LRRC37A2: variants seen among roughly 807,000 people sequenced by gnomAD.
The protein encoded by LRRC37A2 is leucine rich repeat containing 37 member A2.
Under a neutral mutation model 68.8 loss-of-function variants are expected in LRRC37A2, and 9 were observed. That is an observed-to-expected ratio of 0.13 (90% CI 0.08 to 0.23). LRRC37A2 has a LOEUF of 0.23. LRRC37A2 is among the 10% of genes least tolerant of loss of function. The pLI, the probability that LRRC37A2 is intolerant of heterozygous loss-of-function variation, is 1.00. For missense variants in LRRC37A2, 168 were observed against 950.4 expected (o/e 0.18, Z 10.82); for synonymous variants, 63 against 367.6 (o/e 0.17, Z 9.48).
chr17:46,845,190 G>A, the LRRC37A2 span, among the ~76,000 whole-genome samples: 4 of 152,124 alleles, frequency 2.6e-5, no homozygotes, highest in Non-Finnish European at 4.4e-5. Context: ...GCTATGTCCT[G>A]TGTGGAATGC....
At chr17:46,727,199 A>T in the LRRC37A2 span, among the ~76,000 whole-genome samples, 2 of 152,240 alleles carry the variant, frequency 1.3e-5, no homozygotes, top group Admixed American at 1.3e-4. Context: ...TAAAATATGT[A>T]TTAAATATCT....
At chr17:46,846,191 C>T in the LRRC37A2 span, among the ~76,000 whole-genome samples, 4 of 152,180 alleles carry the variant, frequency 2.6e-5, no homozygotes, top group Admixed American at 6.5e-5. Flanking sequence ...TAGTTTCAAC[C>T]GTTTCAGTAC....
chr17:46,741,773 G>GTTT, the LRRC37A2 span, among the ~76,000 whole-genome samples: 2 of 151,534 alleles, frequency 1.3e-5, no homozygotes, highest in Non-Finnish European at 2.9e-5. Context: ...TTTTGTTTTT[G>GTTT]TTGTTGTTGT....
the LRRC37A2 span, chr17:46,726,611 G>A: frequency 6.2e-7 from 1 of 1,613,634 alleles, no homozygotes. Flanking sequence ...TTGAGAGATT[G>A]CTTGGTGAGT....
At chr17:46,912,914 T>A in the LRRC37A2 span, among the ~76,000 whole-genome samples, 1 of 152,336 alleles carries the variant, frequency 6.6e-6, no homozygotes, top group East Asian at 1.9e-4. Flanking sequence ...AGCCTGGTCC[T>A]AGTTCCCTTC....
chr17:46,655,749 C>A, the LRRC37A2 span, among the ~76,000 whole-genome samples: 1 of 42,766 alleles, frequency 2.3e-5, no homozygotes, highest in Non-Finnish European at 3.9e-5. Flanking sequence ...ATGGGTGATA[C>A]TAAATGAAAT....
At chr17:46,931,005 T>G in the LRRC37A2 span, 1 of 754,824 alleles carries the variant, frequency 1.3e-6, no homozygotes, top group Non-Finnish European at 2.4e-6. Flanking sequence ...AGTTCTAGTT[T>G]ATTGGATATT....
At chr17:46,809,677 G>T in the LRRC37A2 span, among the ~76,000 whole-genome samples, 2 of 152,284 alleles carry the variant, frequency 1.3e-5, no homozygotes, top group Non-Finnish European at 2.9e-5. Flanking sequence ...TGTGTCCCTG[G>T]TTGGAAATCT....
the LRRC37A2 span, chr17:47,008,000 G>A: frequency 1.3e-5 from 2 of 151,694 alleles, no homozygotes; most frequent in African/African-American, 4.8e-5. Context: ...GCAATGAGGT[G>A]GTCATTGAAT....
chr17:46,818,609 C>T, the LRRC37A2 span: 1 of 1,588,528 alleles, frequency 6.3e-7, no homozygotes, highest in Non-Finnish European at 8.6e-7. Context: ...AGAAGAGGCG[C>T]CGAGGAGGAA....
the LRRC37A2 span, chr17:46,936,359 T>C: frequency 1.0e-6 from 1 of 985,368 alleles, no homozygotes; most frequent in Non-Finnish European, 1.2e-6. Flanking sequence ...AACTTCCCAC[T>C]CAAGTCTGGC....
the LRRC37A2 span, among the ~76,000 whole-genome samples, chr17:46,776,223 G>C: frequency 1.3e-5 from 2 of 152,170 alleles, no homozygotes; most frequent in African/African-American, 2.4e-5. Flanking sequence ...GGTGAAGGTG[G>C]CTTCAGGCCT....
the LRRC37A2 span, chr17:46,774,045 C>T: frequency 7.6e-7 from 1 of 1,312,402 alleles, no homozygotes; most frequent in South Asian, 1.3e-5. Flanking sequence ...AATGTGCTAC[C>T]TTTGACCTCG....
At chr17:46,377,551 TATTC>T in the LRRC37A2 span, among the ~76,000 whole-genome samples, 1 of 41,344 alleles carries the variant, frequency 2.4e-5, no homozygotes, top group East Asian at 2.5e-4. Context: ...ACATTGAATT[TATTC>T]CTCCTATCAC....
At chr17:46,876,826 C>A in the LRRC37A2 span, 1 of 1,438,840 alleles carries the variant, frequency 7.0e-7, no homozygotes, top group South Asian at 1.5e-5. Flanking sequence ...ATGCATAAAC[C>A]GGCATGTGTG....
At chr17:46,778,084 G>A in the LRRC37A2 span, among the ~76,000 whole-genome samples, 4 of 152,218 alleles carry the variant, frequency 2.6e-5, no homozygotes, top group African/African-American at 9.6e-5. Flanking sequence ...CATGGCACGT[G>A]GGGAGCCCTT....
the LRRC37A2 span, chr17:46,939,233 G>A: frequency 9.5e-7 from 1 of 1,047,650 alleles, no homozygotes; most frequent in Non-Finnish European, 1.2e-6. Context: ...ATAGTAGGTC[G>A]ATTCACATCC....
the LRRC37A2 span, among the ~76,000 whole-genome samples, chr17:46,795,357 C>T: frequency 1.3e-5 from 2 of 152,206 alleles, no homozygotes; most frequent in Non-Finnish European, 2.9e-5. Context: ...GGAAAGCAGA[C>T]AGCTGACCCT....
chr17:46,585,153 T>C, the LRRC37A2 span, among the ~76,000 whole-genome samples: 1 of 137,328 alleles, frequency 7.3e-6, no homozygotes, highest in Non-Finnish European at 1.6e-5. Flanking sequence ...AAAATAAACA[T>C]TAAAAATAAA....
Sources: gnomAD v4.1 joint callset for allele counts (sites outside exome capture counted in the v4.1 genomes callset) on GRCh38, gnomAD v4.1.1 for gene constraint, MANE v1.5 for transcripts, NCBI Gene and HGNC (gene_info 2026-07-23, HGNC 2026-07-21) for gene names.